The following SYN3 variants were observed in gnomAD, a reference collection of about 807,000 sequenced individuals.
The protein encoded by SYN3 is synapsin-3.
In SYN3, 35 loss-of-function variants were observed where a neutral mutation model predicts 65.8. That is an observed-to-expected ratio of 0.53 (90% CI 0.41 to 0.70). The LOEUF is 0.70. Ranked by LOEUF, SYN3 falls within the 30% of genes least tolerant of loss-of-function variation. The probability of loss-of-function intolerance (pLI) is 0.00; values close to 1 mark genes in which losing one functional copy is unlikely to be tolerated. For missense variants in SYN3, 680 were observed against 749.0 expected (o/e 0.91, Z 1.08); for synonymous variants, 270 against 292.9 (o/e 0.92, Z 0.80).
intron 4 of SYN3, among the ~76,000 whole-genome samples, chr22:32,875,496 T>C (rs2048959760): frequency 6.6e-6 from 1 of 152,160 alleles, no homozygotes; most frequent in Non-Finnish European, 1.5e-5. Flanking sequence ...CAGGAAGATA[T>C]GTCGAGGTCC....
intron 3 of SYN3, among the ~76,000 whole-genome samples, chr22:32,941,807 C>T (rs988055531): frequency 6.6e-6 from 1 of 152,220 alleles, no homozygotes; most frequent in Non-Finnish European, 1.5e-5. Context: ...TTATATCCTG[C>T]GCCTGGCTCA....
At chr22:32,782,514 T>TC (rs2046094892) in intron 6 of SYN3, among the ~76,000 whole-genome samples, 1 of 147,172 alleles carries the variant, frequency 6.8e-6, no homozygotes, top group Non-Finnish European at 1.5e-5. Flanking sequence ...GCCTTGTAAT[T>TC]CTTTTTTTTT....
intron 1 of SYN3, among the ~76,000 whole-genome samples, chr22:33,047,921 T>C (rs1428347444): frequency 2.0e-5 from 3 of 149,718 alleles, no homozygotes; most frequent in Admixed American, 6.7e-5. Flanking sequence ...ACATGACCGA[T>C]GTCACACAGC....
intron 6 of SYN3, among the ~76,000 whole-genome samples, chr22:32,610,293 A>C (rs73154345): frequency 0.12 from 17,457 of 148,098 alleles, 1,205 homozygotes; most frequent in East Asian, 0.28. Flanking sequence ...TGCCCCCCCC[A>C]AAAAAAGAAA....
chr22:32,596,602 G>A (rs977518395), intron 7 of SYN3, 72 bp downstream of exon 7: 2 of 1,514,860 alleles, frequency 1.3e-6, no homozygotes, highest in African/African-American at 1.4e-5. Flanking sequence ...GGGTGACAGA[G>A]GGAGAGAGGA....
intron 3 of SYN3, among the ~76,000 whole-genome samples, chr22:32,978,757 T>C (rs1187047688): frequency 6.6e-6 from 1 of 152,148 alleles, no homozygotes; most frequent in African/African-American, 2.4e-5. Flanking sequence ...TATTAAGCTC[T>C]CTGAGCCCAA....
intron 6 of SYN3, among the ~76,000 whole-genome samples, chr22:32,671,608 C>A (rs1366650790): frequency 6.6e-6 from 1 of 151,338 alleles, no homozygotes; most frequent in Non-Finnish European, 1.5e-5. Context: ...TACAGGTGCA[C>A]ACACGCTCTC....
intron 3 of SYN3, among the ~76,000 whole-genome samples, chr22:32,960,571 T>C (rs1377027908): frequency 1.3e-5 from 2 of 152,260 alleles, no homozygotes; most frequent in Non-Finnish European, 2.9e-5. Flanking sequence ...TCCTTCCTTC[T>C]TGACAGTCAT....
chr22:32,523,287 C>T (rs1211903574), intron 12 of SYN3, among the ~76,000 whole-genome samples: 4 of 152,068 alleles, frequency 2.6e-5, no homozygotes, highest in East Asian at 1.9e-4. Context: ...CCAAGGCAGG[C>T]GGATCACAAG....
chr22:32,691,576 G>C (rs2060662042), intron 6 of SYN3, among the ~76,000 whole-genome samples: 1 of 152,156 alleles, frequency 6.6e-6, no homozygotes, highest in Admixed American at 6.5e-5. Context: ...GGGCATTTCA[G>C]TGAATCAGAT....
intron 6 of SYN3, among the ~76,000 whole-genome samples, chr22:32,648,485 T>G (rs1364934829): frequency 6.6e-6 from 1 of 152,234 alleles, no homozygotes; most frequent in Non-Finnish European, 1.5e-5. Flanking sequence ...GTAAAGGTTG[T>G]GACCAACGAT....
intron 10 of SYN3, among the ~76,000 whole-genome samples, chr22:32,532,489 C>T (rs939236169): frequency 6.6e-6 from 1 of 152,296 alleles, no homozygotes; most frequent in Non-Finnish European, 1.5e-5. Context: ...GTTTCCGGGC[C>T]TTGAGAGGAG....
chr22:32,893,913 T>A (rs1334177568), intron 4 of SYN3, among the ~76,000 whole-genome samples: 1 of 152,170 alleles, frequency 6.6e-6, no homozygotes, highest in Non-Finnish European at 1.5e-5. Flanking sequence ...CAACTTGGTT[T>A]TCCACCAAGC....
intron 3 of SYN3, among the ~76,000 whole-genome samples, chr22:32,962,385 C>T (rs1284248722): frequency 6.6e-6 from 1 of 152,088 alleles, no homozygotes; most frequent in African/African-American, 2.4e-5. Context: ...CTGCCCACCT[C>T]GGCCTCCCAG....
At chr22:32,935,176 A>C (rs931076232) in intron 3 of SYN3, among the ~76,000 whole-genome samples, 1 of 152,164 alleles carries the variant, frequency 6.6e-6, no homozygotes, top group African/African-American at 2.4e-5. Context: ...TCATATTCAA[A>C]GTCACCAGGG....
chr22:32,551,502 C>A (rs2058413846), intron 7 of SYN3, among the ~76,000 whole-genome samples: 1 of 145,530 alleles, frequency 6.9e-6, no homozygotes, highest in Non-Finnish European at 1.5e-5. Flanking sequence ...AAATGGCCTC[C>A]CCCCACCAAC....
At chr22:32,604,865 G>A (rs1730713483) in intron 6 of SYN3, among the ~76,000 whole-genome samples, 2 of 151,912 alleles carry the variant, frequency 1.3e-5, no homozygotes, top group Non-Finnish European at 2.9e-5. Flanking sequence ...AATTAGCCGG[G>A]CGTGGTGGCG....
chr22:32,997,433 A>T (rs2052913301), intron 2 of SYN3, among the ~76,000 whole-genome samples: 1 of 152,196 alleles, frequency 6.6e-6, no homozygotes, highest in African/African-American at 2.4e-5. Flanking sequence ...GGTCAGCAGG[A>T]GGGTGGCACC....
intron 6 of SYN3, among the ~76,000 whole-genome samples, chr22:32,651,798 C>G (rs1036619067): frequency 6.6e-6 from 1 of 152,146 alleles, no homozygotes; most frequent in Non-Finnish European, 1.5e-5. Flanking sequence ...GACATATGGG[C>G]CTCGTGGCTG....
Sources: gnomAD v4.1 joint callset for allele counts (sites outside exome capture counted in the v4.1 genomes callset) on GRCh38, gnomAD v4.1.1 for gene constraint, MANE v1.5 for transcripts, NCBI Gene and HGNC (gene_info 2026-07-23, HGNC 2026-07-21) for gene names.